The following RPSA2 variants were observed in gnomAD, a reference collection of about 807,000 sequenced individuals.
RPSA2 encodes ribosomal protein SA 2.
At chr19:23,855,396 C>A in the RPSA2 span, among the ~76,000 whole-genome samples, 1 of 152,128 alleles carries the variant, frequency 6.6e-6, no homozygotes, top group Admixed American at 6.5e-5. Flanking sequence ...GAAGTAGGAC[C>A]ATACTGAGTA....
the RPSA2 span, among the ~76,000 whole-genome samples, chr19:23,850,862 A>C: frequency 6.6e-6 from 1 of 152,148 alleles, no homozygotes; most frequent in South Asian, 2.1e-4. Flanking sequence ...TGGTTAAATT[A>C]TTCTTTTGTT....
the RPSA2 span, among the ~76,000 whole-genome samples, chr19:23,784,981 G>A: frequency 6.6e-6 from 1 of 152,210 alleles, no homozygotes; most frequent in Non-Finnish European, 1.5e-5. Context: ...ACGTGGACAC[G>A]TATGGAATTT....
At chr19:23,849,602 C>A in the RPSA2 span, among the ~76,000 whole-genome samples, 1 of 152,104 alleles carries the variant, frequency 6.6e-6, no homozygotes, top group East Asian at 1.9e-4. Context: ...TGGGTAATGC[C>A]CTTATCTTCC....
At chr19:23,759,026 A>C in the RPSA2 span, 1 of 548,364 alleles carries the variant, frequency 1.8e-6, no homozygotes, top group Non-Finnish European at 3.2e-6. Context: ...AGAAGATGTG[A>C]TCAGATGCTC....
the RPSA2 span, among the ~76,000 whole-genome samples, chr19:23,834,351 A>T: frequency 2.6e-5 from 4 of 152,020 alleles, no homozygotes; most frequent in Non-Finnish European, 4.4e-5. Flanking sequence ...CAAATGTGAA[A>T]GCATGTGACT....
the RPSA2 span, among the ~76,000 whole-genome samples, chr19:23,844,673 T>A: frequency 6.8e-6 from 1 of 147,278 alleles, no homozygotes; most frequent in Non-Finnish European, 1.5e-5. Flanking sequence ...CAAAAACTTT[T>A]TAGTTTGAAT....
chr19:23,764,742 G>A, the RPSA2 span, among the ~76,000 whole-genome samples: 46 of 112,992 alleles, frequency 4.1e-4, no homozygotes, highest in South Asian at 4.6e-3. Flanking sequence ...AGCCTCCCAA[G>A]TCTGTAAACA....
chr19:23,819,945 A>G, the RPSA2 span, among the ~76,000 whole-genome samples: 1 of 152,174 alleles, frequency 6.6e-6, no homozygotes, highest in South Asian at 2.1e-4. Flanking sequence ...ATGCTGGTCC[A>G]TTGTCTGACG....
chr19:23,815,992 G>GTT, the RPSA2 span, among the ~76,000 whole-genome samples: 6 of 146,778 alleles, frequency 4.1e-5, no homozygotes, highest in Non-Finnish European at 6.0e-5. Flanking sequence ...ATAAAATGTA[G>GTT]TTGTTTTTTT....
the RPSA2 span, among the ~76,000 whole-genome samples, chr19:23,835,299 C>T: frequency 6.6e-6 from 1 of 152,160 alleles, no homozygotes; most frequent in South Asian, 2.1e-4. Flanking sequence ...ATATTCACAT[C>T]TATTAGTCTA....
chr19:23,805,146 C>T, the RPSA2 span, among the ~76,000 whole-genome samples: 6 of 7,208 alleles, frequency 8.3e-4, no homozygotes, highest in East Asian at 0.016. Context: ...CACACACACA[C>T]ACACACACAC....
At chr19:23,835,042 A>C in the RPSA2 span, among the ~76,000 whole-genome samples, 1 of 152,144 alleles carries the variant, frequency 6.6e-6, no homozygotes, top group East Asian at 1.9e-4. Flanking sequence ...TACCTCTAGC[A>C]TTTATTCTTT....
the RPSA2 span, among the ~76,000 whole-genome samples, chr19:23,781,224 C>T: frequency 1.7e-4 from 26 of 152,150 alleles, no homozygotes; most frequent in African/African-American, 5.8e-4. Context: ...CTGCCCACCT[C>T]GGCCTCCCAA....
the RPSA2 span, among the ~76,000 whole-genome samples, chr19:23,839,442 C>A: frequency 6.6e-6 from 1 of 152,174 alleles, no homozygotes; most frequent in African/African-American, 2.4e-5. Context: ...AAAGGCTGGT[C>A]TCACACCCAC....
chr19:23,765,986 T>C, the RPSA2 span, among the ~76,000 whole-genome samples: 1 of 151,974 alleles, frequency 6.6e-6, no homozygotes, highest in African/African-American at 2.4e-5. Context: ...TAAAAAGACA[T>C]AAGGTATTGA....
the RPSA2 span, among the ~76,000 whole-genome samples, chr19:23,868,478 G>T: frequency 6.6e-6 from 1 of 151,820 alleles, no homozygotes; most frequent in African/African-American, 2.4e-5. Flanking sequence ...TATAGACCAG[G>T]CACATCAAAC....
the RPSA2 span, among the ~76,000 whole-genome samples, chr19:23,779,387 T>TG: frequency 6.6e-6 from 1 of 152,112 alleles, no homozygotes; most frequent in East Asian, 1.9e-4. Context: ...GATGTATCAC[T>TG]GGGCCTAACA....
the RPSA2 span, among the ~76,000 whole-genome samples, chr19:23,855,949 G>A: frequency 1.3e-4 from 20 of 152,262 alleles, 1 homozygote; most frequent in Admixed American, 4.6e-4. Context: ...GGCTGTCTGT[G>A]TCAGGGCCGT....
chr19:23,776,944 TG>T, the RPSA2 span, among the ~76,000 whole-genome samples: 2 of 152,188 alleles, frequency 1.3e-5, no homozygotes, highest in Non-Finnish European at 2.9e-5. Flanking sequence ...CACAAGTTTC[TG>T]GGCCCAGCAC....
Sources: gnomAD v4.1 joint callset for allele counts (sites outside exome capture counted in the v4.1 genomes callset) on GRCh38, gnomAD v4.1.1 for gene constraint, MANE v1.5 for transcripts, NCBI Gene and HGNC (gene_info 2026-07-23, HGNC 2026-07-21) for gene names.